Variants in METTL21A observed in about 807,000 individuals in gnomAD.
The protein encoded by METTL21A is protein N-lysine methyltransferase METTL21A.
Under a neutral mutation model 20.9 loss-of-function variants are expected in METTL21A, and 22 were observed. That is an observed-to-expected ratio of 1.05 (90% confidence interval 0.75 to 1.50). METTL21A has a LOEUF of 1.50. Ranked by LOEUF, METTL21A falls within the 40% of genes most tolerant of loss-of-function variation. METTL21A has a pLI of 0.00. For missense variants in METTL21A, 271 were observed against 266.8 expected (o/e 1.02, Z -0.11); for synonymous variants, 93 against 102.0 (o/e 0.91, Z 0.53).
At chr2:207,599,627 T>A (rs2086710475) in intron 3 of METTL21A, 1 of 200,602 alleles carries the variant, frequency 5.0e-6, no homozygotes, top group African/African-American at 2.3e-5. Context: ...AAATCTGTCT[T>A]AGACCCTTGG....
At chr2:207,602,292 A>G (rs752952301) in intron 3 of METTL21A, 11 of 193,210 alleles carry the variant, frequency 5.7e-5, no homozygotes, top group Non-Finnish European at 1.2e-4. Context: ...AGTTGATATT[A>G]TAAACAGGCA....
At chr2:207,584,672 G>A (rs920255090) in intron 3 of METTL21A, among the ~76,000 whole-genome samples, 1 of 152,174 alleles carries the variant, frequency 6.6e-6, no homozygotes, top group Non-Finnish European at 1.5e-5. Flanking sequence ...AAAATGCTGG[G>A]ATTACAGGTG....
intron 3 of METTL21A, among the ~76,000 whole-genome samples, chr2:207,584,518 C>G: frequency 6.6e-6 from 1 of 152,170 alleles, no homozygotes; most frequent in South Asian, 2.1e-4. Context: ...ATTCTCGTGC[C>G]TCAGCCTCCC....
At chr2:207,623,431 C>T (rs377306294) in intron 2 of METTL21A, among the ~76,000 whole-genome samples, 1 of 152,170 alleles carries the variant, frequency 6.6e-6, no homozygotes, top group East Asian at 1.9e-4. Context: ...CAAGTCAGAA[C>T]AGGGCAGGGA....
chr2:207,603,065 C>G, intron 3 of METTL21A: 1 of 211,934 alleles, frequency 4.7e-6, no homozygotes, highest in Non-Finnish European at 9.5e-6. Context: ...ATTTTTAACT[C>G]TGATGTTTCT....
At chr2:207,602,594 C>G in intron 3 of METTL21A, 1 of 212,262 alleles carries the variant, frequency 4.7e-6, no homozygotes, top group Non-Finnish European at 9.5e-6. Context: ...GGAAGAAAAT[C>G]TCTGCAAATA....
downstream of METTL21A, among the ~76,000 whole-genome samples, chr2:207,607,030 T>A (rs1247299179): frequency 6.6e-6 from 1 of 152,110 alleles, no homozygotes; most frequent in African/African-American, 2.4e-5. Flanking sequence ...TGTAAAGGAA[T>A]GTGTATTTTT....
At chr2:207,584,063 A>C (rs1241859452) in intron 3 of METTL21A, among the ~76,000 whole-genome samples, 1 of 152,212 alleles carries the variant, frequency 6.6e-6, no homozygotes, top group Non-Finnish European at 1.5e-5. Context: ...TGCTTTGTTT[A>C]TTCACTTTGA....
chr2:207,621,992 C>T (rs894949136), intron 2 of METTL21A, 75 bp from the exon 3 acceptor site: 5 of 1,247,520 alleles, frequency 4.0e-6, no homozygotes, highest in Non-Finnish European at 5.9e-6. Context: ...AGGTCAGCTA[C>T]ACCCACCCCT....
At chr2:207,618,735 G>A (rs539778585) in intron 3 of METTL21A, among the ~76,000 whole-genome samples, 1 of 152,146 alleles carries the variant, frequency 6.6e-6, no homozygotes, top group East Asian at 1.9e-4. Context: ...CAAAAGGTAT[G>A]TGAATGTGGT....
At chr2:207,587,306 T>A (rs2084040708) in intron 3 of METTL21A, among the ~76,000 whole-genome samples, 1 of 148,556 alleles carries the variant, frequency 6.7e-6, no homozygotes, top group Non-Finnish European at 1.5e-5. Context: ...GGCAGGAGAA[T>A]GGCGTGAACC....
At chr2:207,599,645 T>TG (rs1365349646) in intron 3 of METTL21A, 1 of 200,654 alleles carries the variant, frequency 5.0e-6, no homozygotes, top group Non-Finnish European at 1.0e-5. Context: ...TGGTGAAACT[T>TG]GAAGATTTCA....
At chr2:207,587,285 C>T (rs906325324) in intron 3 of METTL21A, among the ~76,000 whole-genome samples, 9 of 151,010 alleles carry the variant, frequency 6.0e-5, no homozygotes, top group Non-Finnish European at 1.2e-4. Flanking sequence ...CCCAGCTACT[C>T]GGGAGGCTGA....
chr2:207,590,558 T>A (rs762835976), intron 3 of METTL21A, among the ~76,000 whole-genome samples: 4 of 152,122 alleles, frequency 2.6e-5, no homozygotes, highest in Admixed American at 6.6e-5. Flanking sequence ...CCTATTAATA[T>A]ATACCTTTGT....
intron 3 of METTL21A, chr2:207,601,413 C>T (rs1053989373): frequency 5.3e-6 from 1 of 188,090 alleles, no homozygotes; most frequent in Non-Finnish European, 1.1e-5. Flanking sequence ...AAAAGCTAGC[C>T]TTAAAAACAG....
intron 3 of METTL21A, among the ~76,000 whole-genome samples, chr2:207,617,571 C>G (rs548741975): frequency 6.6e-6 from 1 of 152,170 alleles, no homozygotes; most frequent in Admixed American, 6.5e-5. Context: ...AGGCAGGATG[C>G]GATAACAAAG....
chr2:207,598,570 G>C (rs2086550701), intron 3 of METTL21A: 1 of 176,966 alleles, frequency 5.7e-6, no homozygotes, highest in Non-Finnish European at 1.2e-5. Context: ...TTTGGAGCCG[G>C]GCGCAGTGGC....
At position 207,624,227 on chromosome 2, in the gene METTL21A, AC is replaced by A; in HGVS notation, c.147+1del. On this transcript the variant is annotated splice_donor_variant, in intron 2 of 3. Coordinates refer to ENST00000406927, the Ensembl canonical transcript of METTL21A. LOFTEE classifies it high-confidence loss of function. ...TTCAGAGGTCCCCCAGGGCTTACTTACCGCATCCCAAACCACCGCTGCGACT... is the reference window on the plus strand; with the variant it reads ...TTCAGAGGTCCCCCAGGGCTTACTTACGCATCCCAAACCACCGCTGCGACT... 6.3e-7 allele frequency: 1 copy of A among 1,598,334 alleles called. No homozygotes were observed. The highest frequency in any genetic ancestry group is 8.5e-7 in the Non-Finnish European group (1 of 1,173,730).
chr2:207,587,578 A>G lies in METTL21A; in HGVS notation c.260-5418T>C, dbSNP rs78905117. 2.8e-3 allele frequency among the ~76,000 whole-genome samples: 434 copies of G among 152,302 alleles called. 7 individuals are homozygous for G. The East Asian group carries it at 0.029, about 10-fold the overall frequency. On this transcript the variant is annotated intron_variant, in intron 3 of 3. Coordinates refer to the METTL21A transcript ENST00000425132. ...CATATGAATGGATAAAGAAAATTGC[A>G]GTATATATACACAGTGGTATACTGT... is the stretch of plus-strand genomic sequence containing the variant.
Sources: gnomAD v4.1 joint callset for allele counts (sites outside exome capture counted in the v4.1 genomes callset) on GRCh38, gnomAD v4.1.1 for gene constraint, MANE v1.5 for transcripts, NCBI Gene and HGNC (gene_info 2026-07-23, HGNC 2026-07-21) for gene names.